The following ACOT11 variants were observed in gnomAD, a reference collection of about 807,000 sequenced individuals.
ACOT11 encodes the protein acyl-CoA thioesterase 11.
A neutral mutation model predicts 77.5 loss-of-function variants in ACOT11; 69 were observed. The ratio of observed to expected loss-of-function variants is 0.89; its 90% CI spans 0.73 to 1.09. ACOT11 has a LOEUF of 1.09. ACOT11 is among the 50% of genes least tolerant of loss of function. The pLI is 0.00. For synonymous variants in ACOT11, 279 were observed against 313.0 expected (o/e 0.89, Z 1.15); for missense variants, 766 against 813.7 (o/e 0.94, Z 0.71).
intron 1 of ACOT11, among the ~76,000 whole-genome samples, chr1:54,561,087 T>A (rs145757920): frequency 1.6e-5 from 2 of 126,750 alleles, no homozygotes; most frequent in African/African-American, 3.7e-5. Context: ...TTTTTATTTT[T>A]TTTATTTTTT....
chr1:54,573,296 C>A, intron 1 of ACOT11: 1 of 948,072 alleles, frequency 1.1e-6, no homozygotes, highest in Non-Finnish European at 1.3e-6. Context: ...CTCAGCTCTG[C>A]CCTTTCCTGG....
chr1:54,593,309 C>T (rs1222948771), intron 4 of ACOT11, among the ~76,000 whole-genome samples: 1 of 152,098 alleles, frequency 6.6e-6, no homozygotes, highest in Non-Finnish European at 1.5e-5. Context: ...TGAGGTCTTA[C>T]TCTGTCACCC....
chr1:54,626,314 AAAG>A (rs1340442525), intron 15 of ACOT11, among the ~76,000 whole-genome samples: 23 of 152,172 alleles, frequency 1.5e-4, no homozygotes, highest in African/African-American at 2.4e-4. Context: ...AAAGAAAAGA[AAAG>A]AAGTCTAGAG....
chr1:54,615,906 G>T, intron 15 of ACOT11: 3 of 1,088,622 alleles, frequency 2.8e-6, no homozygotes, highest in Non-Finnish European at 4.1e-6. Context: ...GAAAGCCAAG[G>T]CAATGAGCAC....
At chr1:54,562,589 A>G in intron 1 of ACOT11, among the ~76,000 whole-genome samples, 1 of 146,490 alleles carries the variant, frequency 6.8e-6, no homozygotes, top group Non-Finnish European at 1.5e-5. Flanking sequence ...TGCCGGGCGG[A>G]GAGGCTCCTC....
At chr1:54,594,927 C>T (rs914175430) in intron 6 of ACOT11, among the ~76,000 whole-genome samples, 1 of 152,212 alleles carries the variant, frequency 6.6e-6, no homozygotes, top group Non-Finnish European at 1.5e-5. Context: ...ATGTGGAAAT[C>T]CCTTTGTTGG....
chr1:54,635,650 G>T, exon 17 of ACOT11: 1 of 173,706 alleles, frequency 5.8e-6, no homozygotes, highest in Non-Finnish European at 1.2e-5. Flanking sequence ...CATTTAAATG[G>T]GTAAAAACAC....
At chr1:54,576,596 A>T (rs892633962) in intron 1 of ACOT11, among the ~76,000 whole-genome samples, 3 of 151,868 alleles carry the variant, frequency 2.0e-5, no homozygotes, top group Non-Finnish European at 4.4e-5. Context: ...AAAAGTTAGG[A>T]CCCTGTGGCA....
chr1:54,638,779 G>A (rs896516988), exon 17 of ACOT11: 1 of 152,184 alleles, frequency 6.6e-6, no homozygotes, highest in African/African-American at 2.4e-5. Context: ...ATCTCCCAAA[G>A]TGCTGGGATT....
At position 54,607,120 on chromosome 1, in the gene ACOT11, C is replaced by G. The variant is rs368136980; in HGVS notation, c.1371-14C>G. On this transcript the variant is annotated splice_polypyrimidine_tract_variant and intron_variant, in intron 13 of 15. Coordinates refer to ENST00000343744, the MANE Select transcript of ACOT11 (RefSeq NM_147161.4). The surrounding 1 kb of genome is among the most constrained non-coding windows in gnomAD (Gnocchi z 4.5). ...GAAGCTTCCTGGGGCACTGAGATCC[C>G]GGCCTCCCCACAGGAGCGTGGAGCT... 6.2e-7 allele frequency: 1 copy of G among 1,613,530 alleles called. No individual in the cohort carries two copies. The highest frequency in any genetic ancestry group is 1.3e-5 in the African/African-American group (1 of 74,932).
At chr1:54,599,550 G>A in intron 8 of ACOT11, 135 bp downstream of exon 8, 1 of 1,039,770 alleles carries the variant, frequency 9.6e-7, no homozygotes, top group Non-Finnish European at 1.3e-6. Context: ...CCTGGCTGAT[G>A]GGTTCCTCTG....
intron 6 of ACOT11, 53 bp from the exon 7 acceptor site, chr1:54,597,206 C>T (rs753758544): frequency 2.3e-4 from 367 of 1,600,958 alleles, no homozygotes; most frequent in Non-Finnish European, 3.1e-4. Flanking sequence ...AGGGGCTGCC[C>T]TTGGGAATGT....
At chr1:54,568,814 C>G (rs1653832814) in intron 1 of ACOT11, among the ~76,000 whole-genome samples, 1 of 152,064 alleles carries the variant, frequency 6.6e-6, no homozygotes, top group Non-Finnish European at 1.5e-5. Flanking sequence ...GTGATGTGAT[C>G]ATAGCTCATC....
chr1:54,591,169 T>C (rs1654700361), intron 3 of ACOT11, among the ~76,000 whole-genome samples: 1 of 152,212 alleles, frequency 6.6e-6, no homozygotes, highest in South Asian at 2.1e-4. Flanking sequence ...TGACCATTAG[T>C]ATTACTAAAA....
chr1:54,556,300 T>C (rs1310365861), intron 1 of ACOT11, among the ~76,000 whole-genome samples: 3 of 152,226 alleles, frequency 2.0e-5, no homozygotes, highest in South Asian at 2.1e-4. Flanking sequence ...TTGTAGTATA[T>C]TTCGAAATCA....
intron 1 of ACOT11, among the ~76,000 whole-genome samples, chr1:54,554,987 C>T (rs781407559): frequency 6.6e-6 from 1 of 152,188 alleles, no homozygotes; most frequent in Non-Finnish European, 1.5e-5. Flanking sequence ...GAGACGGAGT[C>T]TCACTCTGTC....
downstream of ACOT11, among the ~76,000 whole-genome samples, chr1:54,611,312 A>C (rs1338680167): frequency 6.6e-6 from 1 of 152,080 alleles, no homozygotes; most frequent in African/African-American, 2.4e-5. Context: ...GCGCAGGAGA[A>C]TCGCTTGAAC....
chr1:54,616,018 A>T lies in ACOT11; in HGVS notation c.1629+7950A>T, dbSNP rs772679617. On this transcript the variant is annotated intron_variant, in intron 15 of 16. Transcript: ENST00000371316. ...GGAGAGGGTTTCCAGAGAGGCCCTTACCCTTTTGGGAAGAGCCCAGCACAG... is the reference window on the plus strand; with the variant it reads ...GGAGAGGGTTTCCAGAGAGGCCCTTTCCCTTTTGGGAAGAGCCCAGCACAG... 4.3e-6 allele frequency: 7 copies of T among 1,613,346 alleles called. No homozygotes were observed. The Admixed American group carries it at 1.2e-4, about 27-fold the overall frequency.
chr1:54,604,911 A>G (rs886278171), intron 12 of ACOT11, among the ~76,000 whole-genome samples, 165 bp from the exon 13 acceptor site: 1 of 152,120 alleles, frequency 6.6e-6, no homozygotes, highest in African/African-American at 2.4e-5. Context: ...TTTGTGCTGA[A>G]TTCATAATTC....
Sources: allele counts gnomAD v4.1 joint callset (sites outside exome capture counted in the v4.1 genomes callset), GRCh38; gene constraint gnomAD v4.1.1; non-coding constraint Gnocchi (gnomAD v3.1); transcripts MANE v1.5; gene names NCBI Gene and HGNC (gene_info 2026-07-23, HGNC 2026-07-21).